Variants in CCDC178 observed in about 807,000 individuals in gnomAD.
CCDC178 encodes coiled-coil domain containing 178.
In CCDC178, 126 loss-of-function variants were observed where a neutral mutation model predicts 117.4. The observed-to-expected ratio is 1.07, with a 90% CI of 0.93 to 1.24. The LOEUF is 1.24. Among genes scored for constraint, CCDC178 ranks in the 50% most tolerant of loss-of-function variants. The pLI is 0.00. For synonymous variants in CCDC178, 283 were observed against 313.4 expected (o/e 0.90, Z 1.02); for missense variants, 1,030 against 986.9 (o/e 1.04, Z -0.59).
intron 22 of CCDC178, among the ~76,000 whole-genome samples, chr18:32,940,619 T>C (rs2054217165): frequency 6.6e-6 from 1 of 152,060 alleles, no homozygotes; most frequent in South Asian, 2.1e-4. Flanking sequence ...TATTTAGTTA[T>C]CTAGGTACTA....
chr18:33,306,145 T>A (rs2062244700), intron 11 of CCDC178, among the ~76,000 whole-genome samples: 3 of 152,124 alleles, frequency 2.0e-5, no homozygotes, highest in Admixed American at 2.0e-4. Flanking sequence ...ATGATCTAAC[T>A]GAAATGGAAA....
At chr18:33,117,098 T>C (rs8098060) in intron 20 of CCDC178, among the ~76,000 whole-genome samples, 8,769 of 152,128 alleles carry the variant, frequency 0.058, 430 homozygotes, top group African/African-American at 0.13. Flanking sequence ...AGAAAATTGA[T>C]GAAAAGGAGG....
rs1388760322 is a variant in CCDC178, at chr18:33,321,421, A to G, written c.1022+2070T>C. Among the ~76,000 whole-genome samples, 4 of 152,296 alleles carry G rather than the reference A, an allele frequency of 2.6e-5. No homozygotes were observed. The East Asian group carries it at 7.7e-4, about 29-fold the overall frequency. On this transcript the variant is annotated intron_variant, in intron 11 of 22. Transcript: ENST00000383096. ...CCTAACATTTATGAAGGAAAAAATA[A>G]AAATAGTTATTTTGTGGGTAAATTT...
chr18:33,027,421 T>G (rs995983778), intron 21 of CCDC178, among the ~76,000 whole-genome samples: 2 of 151,478 alleles, frequency 1.3e-5, no homozygotes, highest in Admixed American at 6.6e-5. Context: ...CAGTTAGAAC[T>G]AGAAACAGTC....
At chr18:33,187,538 G>A (rs931022851) in intron 20 of CCDC178, among the ~76,000 whole-genome samples, 2 of 151,972 alleles carry the variant, frequency 1.3e-5, no homozygotes, top group Non-Finnish European at 2.9e-5. Context: ...GGAGGACTCA[G>A]GGATCAGATA....
chr18:33,040,670 C>A (rs1229107564), intron 21 of CCDC178, among the ~76,000 whole-genome samples: 1 of 151,874 alleles, frequency 6.6e-6, no homozygotes, highest in Non-Finnish European at 1.5e-5. Flanking sequence ...TCAATATTAA[C>A]ACACAAAGCA....
At chr18:32,983,278 T>C (rs2055189947) in intron 21 of CCDC178, 4 of 1,508,432 alleles carry the variant, frequency 2.7e-6, no homozygotes, top group Non-Finnish European at 3.6e-6. Flanking sequence ...TCATCACAGG[T>C]ACCTGAAAAT....
chr18:33,426,058 T>C (rs2064119712), intron 2 of CCDC178, among the ~76,000 whole-genome samples: 1 of 152,192 alleles, frequency 6.6e-6, no homozygotes, highest in African/African-American at 2.4e-5. Context: ...AAAGAGAAGC[T>C]ATAAAATAAT....
intron 2 of CCDC178, among the ~76,000 whole-genome samples, chr18:33,428,449 G>T (rs936909902): frequency 1.3e-5 from 2 of 151,940 alleles, no homozygotes; most frequent in African/African-American, 4.8e-5. Context: ...GTGCAGAGTC[G>T]GATTTAGCCC....
intron 21 of CCDC178, among the ~76,000 whole-genome samples, chr18:33,054,462 C>T (rs1283921093): frequency 6.6e-6 from 1 of 152,150 alleles, no homozygotes; most frequent in Non-Finnish European, 1.5e-5. Flanking sequence ...TGTTGTTCCC[C>T]TACATGTGTC....
chr18:33,045,357 T>C (rs1013031338), intron 21 of CCDC178, among the ~76,000 whole-genome samples: 19 of 152,180 alleles, frequency 1.2e-4, no homozygotes, highest in African/African-American at 4.6e-4. Flanking sequence ...GCCCGAGAGC[T>C]AGATTTTATC....
At chr18:33,434,496 T>C (rs932878340) in intron 2 of CCDC178, among the ~76,000 whole-genome samples, 3 of 152,156 alleles carry the variant, frequency 2.0e-5, no homozygotes, top group African/African-American at 4.8e-5. Context: ...AATGCTGTCA[T>C]ACTGATGCAA....
intron 20 of CCDC178, among the ~76,000 whole-genome samples, chr18:33,146,609 C>A (rs8085979): frequency 0.76 from 115,623 of 152,094 alleles, 47,687 homozygotes; most frequent in South Asian, 0.93. Context: ...CATATTCATG[C>A]CACTGCACTC....
chr18:32,960,163 A>G (rs2054678410), intron 22 of CCDC178, among the ~76,000 whole-genome samples: 1 of 152,114 alleles, frequency 6.6e-6, no homozygotes, highest in Non-Finnish European at 1.5e-5. Flanking sequence ...CAATATATGA[A>G]TTGTGTTTAT....
At chr18:33,101,444 G>T (rs866745586) in intron 20 of CCDC178, among the ~76,000 whole-genome samples, 5 of 151,606 alleles carry the variant, frequency 3.3e-5, no homozygotes, top group African/African-American at 1.2e-4. Context: ...CTTCACTGGC[G>T]GAAAAGGCTG....
At chr18:33,312,640 T>C (rs2062358790) in intron 11 of CCDC178, among the ~76,000 whole-genome samples, 1 of 152,170 alleles carries the variant, frequency 6.6e-6, no homozygotes, top group Non-Finnish European at 1.5e-5. Flanking sequence ...TTGCCTTTGA[T>C]CTGTTGCAGC....
At chr18:33,160,182 C>A (rs2058445288) in intron 20 of CCDC178, among the ~76,000 whole-genome samples, 1 of 152,074 alleles carries the variant, frequency 6.6e-6, no homozygotes, top group Non-Finnish European at 1.5e-5. Flanking sequence ...AGGGAAACAT[C>A]CATTCCAAAG....
At chr18:33,086,630 A>G (rs1203912100) in intron 21 of CCDC178, among the ~76,000 whole-genome samples, 1 of 152,136 alleles carries the variant, frequency 6.6e-6, no homozygotes, top group African/African-American at 2.4e-5. Context: ...CAGAATTTTA[A>G]ATATACAAAT....
intron 18 of CCDC178, among the ~76,000 whole-genome samples, chr18:33,215,916 C>A (rs913786462): frequency 6.6e-6 from 1 of 151,950 alleles, no homozygotes; most frequent in African/African-American, 2.4e-5. Context: ...GACAACAAAG[C>A]AAGCACCTGG....
Sources: gnomAD v4.1 joint callset for allele counts (sites outside exome capture counted in the v4.1 genomes callset) on GRCh38, gnomAD v4.1.1 for gene constraint, MANE v1.5 for transcripts, NCBI Gene and HGNC (gene_info 2026-07-23, HGNC 2026-07-21) for gene names.